ST8SIA6: variants seen among roughly 807,000 people sequenced by gnomAD.
ST8SIA6 encodes alpha-2,8-sialyltransferase 8F.
ST8SIA6 carries 39 observed loss-of-function variants against 33.6 expected under a neutral mutation model. That is an observed-to-expected ratio of 1.16 (90% confidence interval 0.90 to 1.52). The LOEUF is 1.52. ST8SIA6 is among the 40% of genes most tolerant of loss of function. The pLI, the probability that ST8SIA6 is intolerant of heterozygous loss-of-function variation, is 0.00. For synonymous variants in ST8SIA6, 172 were observed against 167.2 expected (o/e 1.03, Z -0.22); for missense variants, 441 against 443.8 (o/e 0.99, Z 0.06).
rs200826980 is a variant in ST8SIA6 at position 17,368,407 on chromosome 10, C to CAAAAAAAAAAAAA, written c.291-8820_291-8808dup. On this transcript the variant is annotated intron_variant, in intron 3 of 7. Coordinates refer to ENST00000377602, the MANE Select transcript of ST8SIA6 (RefSeq NM_001004470.3). ...GGGCAACAAGAGTGAAGCTCTGTCT[C>CAAAAAAAAAAAAA]AAAAAAAAAAAAAAAAAAAAAAAAA... 2.4e-3 allele frequency among the ~76,000 whole-genome samples: 171 copies of CAAAAAAAAAAAAA among 72,180 alleles called. 4 individuals carry two copies. The highest frequency in any genetic ancestry group is 7.2e-3 in the South Asian group (16 of 2,212). The allele number at this position is 72,180 out of a possible 152,430, so 47.4% of individuals were successfully genotyped here.
intron 4 of ST8SIA6, among the ~76,000 whole-genome samples, chr10:17,345,443 A>G (rs1289086228): frequency 2.0e-5 from 3 of 152,234 alleles, no homozygotes; most frequent in Non-Finnish European, 4.4e-5. Flanking sequence ...ATGGGGACTC[A>G]GCTCCCCAGA....
At chr10:17,384,469 GTC>G (rs1850265805) in intron 3 of ST8SIA6, among the ~76,000 whole-genome samples, 1 of 152,178 alleles carries the variant, frequency 6.6e-6, no homozygotes, top group Admixed American at 6.5e-5. Flanking sequence ...ACCATGATTT[GTC>G]TTTAATAACA....
chr10:17,330,646 G>A (rs1157735854), intron 5 of ST8SIA6, among the ~76,000 whole-genome samples: 3 of 152,146 alleles, frequency 2.0e-5, no homozygotes, highest in Non-Finnish European at 4.4e-5. Flanking sequence ...CCTACAGTTA[G>A]TATACTGCAC....
chr10:17,402,782 G>A (rs1195567610), intron 2 of ST8SIA6, among the ~76,000 whole-genome samples: 2 of 152,102 alleles, frequency 1.3e-5, no homozygotes, highest in African/African-American at 4.8e-5. Flanking sequence ...TGTTGGGGTC[G>A]GGGGAGTGGG....
intron 2 of ST8SIA6, among the ~76,000 whole-genome samples, chr10:17,407,333 C>T (rs1437577396): frequency 6.6e-6 from 1 of 152,192 alleles, no homozygotes; most frequent in Non-Finnish European, 1.5e-5. Flanking sequence ...CCTCTGAATG[C>T]ACCTGCATGG....
intron 2 of ST8SIA6, among the ~76,000 whole-genome samples, chr10:17,443,038 C>T (rs906250637): frequency 8.5e-5 from 13 of 152,136 alleles, no homozygotes; most frequent in Admixed American, 3.9e-4. Context: ...ATATAGGAAG[C>T]GTAAATACTT....
At chr10:17,350,840 C>T (rs899948699) in intron 4 of ST8SIA6, among the ~76,000 whole-genome samples, 3 of 152,086 alleles carry the variant, frequency 2.0e-5, no homozygotes, top group Non-Finnish European at 4.4e-5. Context: ...TCAGGTTAAT[C>T]CATGACACTA....
At position 17,320,681 on chromosome 10, in the gene ST8SIA6, T is replaced by C; in HGVS notation, c.*197A>G. On this transcript the variant is annotated 3_prime_UTR_variant, in exon 8 of 8. Coordinates refer to ENST00000377602, the MANE Select transcript of ST8SIA6 (RefSeq NM_001004470.3). ...TTGTATGAGTCAGATATGGTGTCCA[T>C]GTTATAAGGAGAAAAAATGAAGATG... The C allele has an allele frequency of 1.7e-6, 1 of 590,222 alleles. No homozygotes were observed. Among genetic ancestry groups the C allele is most frequent in the Non-Finnish European group, 3.0e-6 (1 of 334,006 alleles). The allele number at this position is 590,222 out of a possible 1,614,324, so 36.6% of individuals were successfully genotyped here.
intron 4 of ST8SIA6, 123 bp downstream of exon 4, chr10:17,359,391 G>C (rs181144577): frequency 7.7e-6 from 5 of 645,620 alleles, no homozygotes; most frequent in African/African-American, 1.9e-5. Flanking sequence ...TTAGAATTCA[G>C]TTGGCCTCAT....
At chr10:17,362,385 CTAAGA>C (rs1849419234) in intron 3 of ST8SIA6, among the ~76,000 whole-genome samples, 1 of 152,040 alleles carries the variant, frequency 6.6e-6, no homozygotes, top group African/African-American at 2.4e-5. Flanking sequence ...GATGCTATAA[CTAAGA>C]TAATAAGCAT....
At chr10:17,453,968 C>G (rs1564473237) in intron 1 of ST8SIA6, among the ~76,000 whole-genome samples, 187 bp downstream of exon 1, 1 of 152,056 alleles carries the variant, frequency 6.6e-6, no homozygotes, top group South Asian at 2.1e-4. Flanking sequence ...CGCCGTCCAC[C>G]GGTCGGAGGG....
At chr10:17,417,032 C>T (rs1375697223) in intron 2 of ST8SIA6, among the ~76,000 whole-genome samples, 1 of 152,170 alleles carries the variant, frequency 6.6e-6, no homozygotes, top group African/African-American at 2.4e-5. Context: ...TTATTTGGCT[C>T]ACAGTTCTGC....
chr10:17,428,806 C>G (rs1262925075), intron 2 of ST8SIA6, among the ~76,000 whole-genome samples: 1 of 152,146 alleles, frequency 6.6e-6, no homozygotes, highest in Non-Finnish European at 1.5e-5. Flanking sequence ...TGGTCAAATT[C>G]GAGGAAGCAA....
At chr10:17,414,801 T>TATATAG (rs1851553893) in intron 2 of ST8SIA6, among the ~76,000 whole-genome samples, 2 of 152,176 alleles carry the variant, frequency 1.3e-5, no homozygotes, top group Admixed American at 1.3e-4. Context: ...AGACCTTATC[T>TATATAG]TCTAATATAG....
In ST8SIA6 at chr10:17,318,491, C is replaced by T. The variant is rs147207116; in HGVS notation, c.*2387G>A. 1.3e-4 allele frequency: 48 copies of T among 358,162 alleles called. No individual in the cohort carries two copies. The highest frequency in any genetic ancestry group is 9.8e-4 in the African/African-American group (46 of 46,818). The allele number at this position is 358,162 out of a possible 1,614,324, so 22.2% of individuals were successfully genotyped here. A position where few individuals can be genotyped will look rare whatever the true frequency, so the allele number is the denominator to read the frequency against. Reference sequence around the variant, plus strand: ...TTGGCCTCCCAAAGTGCTGGGATTACAGGTGTGAGCCATTGCGCCTGGCCT... The same window carrying T: ...TTGGCCTCCCAAAGTGCTGGGATTATAGGTGTGAGCCATTGCGCCTGGCCT... On this transcript the variant is annotated 3_prime_UTR_variant, in exon 8 of 8. Transcript: ENST00000377602.
rs947154966 is a variant in ST8SIA6 at position 17,446,352 on chromosome 10, A to G, written c.200+7207T>C. Among the ~76,000 whole-genome samples, 3 of 152,380 alleles carry G rather than the reference A, an allele frequency of 2.0e-5. No individual in the cohort carries two copies. The South Asian group carries it at 6.2e-4, about 32-fold the overall frequency. ...TAACTACAAGAAACAGGAAATCTTT[A>G]GAAAACATTCCCTTGGTGGACTCAA... On this transcript the variant is annotated intron_variant, in intron 2 of 7. Transcript: ENST00000377602.
At chr10:17,408,386 C>T (rs1851341681) in intron 2 of ST8SIA6, 1 of 152,158 alleles carries the variant, frequency 6.6e-6, no homozygotes, top group African/African-American at 2.4e-5. Context: ...TTCCTCAGGC[C>T]AGGCACGGTG....
rs1015135883 is a variant in ST8SIA6 at position 17,333,963 on chromosome 10, C to G, written c.378-2411G>C. Among the ~76,000 whole-genome samples, 32 of 149,314 alleles carry G rather than the reference C, an allele frequency of 2.1e-4. 1 individual carries two copies. The highest frequency in any genetic ancestry group is 7.4e-4 in the African/African-American group (30 of 40,776). On this transcript the variant is annotated intron_variant, in intron 4 of 7. Transcript: ENST00000377602. ...TCTTGAACTCCTGGCCTCAAGTGAT[C>G]TGCACCCTCAGCCTCCCAAAGTGCT... is the stretch of plus-strand genomic sequence containing the variant.
At chr10:17,358,829 A>C (rs549287216) in intron 4 of ST8SIA6, among the ~76,000 whole-genome samples, 1 of 152,328 alleles carries the variant, frequency 6.6e-6, no homozygotes, top group East Asian at 1.9e-4. Context: ...CCCCCCAAAA[A>C]AACCAGAGCA....
Sources: allele counts gnomAD v4.1 joint callset (sites outside exome capture counted in the v4.1 genomes callset), GRCh38; gene constraint gnomAD v4.1.1; transcripts MANE v1.5; gene names NCBI Gene and HGNC (gene_info 2026-07-23, HGNC 2026-07-21).